Variants in HEMK2 observed in about 807,000 individuals in gnomAD.
HEMK2 encodes the protein methyltransferase HEMK2.
chr21:28,814,515 T>A, the HEMK2 span, among the ~76,000 whole-genome samples: 2 of 148,304 alleles, frequency 1.3e-5, no homozygotes, highest in African/African-American at 5.0e-5. Flanking sequence ...GAATCTACAA[T>A]GAACTCAAAC....
chr21:28,583,423 T>C, the HEMK2 span, among the ~76,000 whole-genome samples: 5 of 152,306 alleles, frequency 3.3e-5, no homozygotes, highest in East Asian at 9.7e-4. Flanking sequence ...ATCCAAAGCA[T>C]GCAGACCCTG....
the HEMK2 span, among the ~76,000 whole-genome samples, chr21:28,665,787 G>GT: frequency 6.6e-6 from 1 of 151,884 alleles, no homozygotes; most frequent in Non-Finnish European, 1.5e-5. Flanking sequence ...ACATGCACAC[G>GT]TATGTTTATT....
At chr21:28,807,342 C>A in the HEMK2 span, among the ~76,000 whole-genome samples, 6 of 152,324 alleles carry the variant, frequency 3.9e-5, no homozygotes, top group South Asian at 1.2e-3. Flanking sequence ...CCCACCATAT[C>A]CAATCCATCT....
chr21:28,863,535 T>C, the HEMK2 span, among the ~76,000 whole-genome samples: 1 of 146,340 alleles, frequency 6.8e-6, no homozygotes, highest in Middle Eastern at 3.3e-3. Context: ...TGTATTCTAC[T>C]ACAAGGCTTT....
the HEMK2 span, among the ~76,000 whole-genome samples, chr21:28,666,385 T>C: frequency 6.6e-6 from 1 of 152,248 alleles, no homozygotes; most frequent in East Asian, 1.9e-4. Flanking sequence ...ATTTTTACTA[T>C]ACACTTAATA....
the HEMK2 span, among the ~76,000 whole-genome samples, chr21:28,823,370 G>T: frequency 3.9e-5 from 6 of 152,258 alleles, no homozygotes; most frequent in South Asian, 1.0e-3. Context: ...GTTGTTTGTT[G>T]AATCTGAGCA....
the HEMK2 span, among the ~76,000 whole-genome samples, chr21:28,814,312 T>C: frequency 4.4e-4 from 5 of 11,446 alleles, no homozygotes; most frequent in Admixed American, 1.2e-3. Flanking sequence ...ATTCAGGACA[T>C]AGGCATGAGC....
chr21:28,885,193 G>C, the HEMK2 span: 3 of 1,544,162 alleles, frequency 1.9e-6, no homozygotes, highest in Admixed American at 5.5e-5. Context: ...TCCCGTCAGA[G>C]CCCCTCCCCT....
chr21:28,622,123 C>T, the HEMK2 span, among the ~76,000 whole-genome samples: 2 of 152,140 alleles, frequency 1.3e-5, no homozygotes, highest in Non-Finnish European at 2.9e-5. Context: ...TAAGCAGCTT[C>T]AGCAAAGTCT....
the HEMK2 span, among the ~76,000 whole-genome samples, chr21:28,708,082 G>C: frequency 3.9e-5 from 6 of 152,016 alleles, no homozygotes; most frequent in Non-Finnish European, 7.4e-5. Context: ...ACAAGCCCAT[G>C]GCCAAAAGTT....
chr21:28,845,677 G>T, the HEMK2 span, among the ~76,000 whole-genome samples: 1 of 149,564 alleles, frequency 6.7e-6, no homozygotes, highest in Non-Finnish European at 1.5e-5. Flanking sequence ...TCCAATAATT[G>T]TAAGTAGAAA....
At chr21:28,763,749 T>C in the HEMK2 span, among the ~76,000 whole-genome samples, 1 of 152,126 alleles carries the variant, frequency 6.6e-6, no homozygotes, top group Non-Finnish European at 1.5e-5. Context: ...ACTATGACCA[T>C]GTTCTTTTCA....
At chr21:28,768,986 A>G in the HEMK2 span, among the ~76,000 whole-genome samples, 1 of 151,962 alleles carries the variant, frequency 6.6e-6, no homozygotes, top group South Asian at 2.1e-4. Context: ...GGAGAGAGCT[A>G]ACCAGCCAAC....
chr21:28,859,132 AT>A, the HEMK2 span, among the ~76,000 whole-genome samples: 33 of 152,312 alleles, frequency 2.2e-4, no homozygotes, highest in Admixed American at 1.8e-3. Flanking sequence ...TATCTTCATT[AT>A]TAAAGTTCCA....
At chr21:28,594,946 G>A in the HEMK2 span, among the ~76,000 whole-genome samples, 1 of 152,192 alleles carries the variant, frequency 6.6e-6, no homozygotes, top group Admixed American at 6.5e-5. Context: ...TGGCACCGAA[G>A]CAGAATATGA....
the HEMK2 span, among the ~76,000 whole-genome samples, chr21:28,639,580 G>A: frequency 6.6e-6 from 1 of 152,302 alleles, no homozygotes; most frequent in South Asian, 2.1e-4. Context: ...AAGTCTTCAT[G>A]GAGCAGGTGG....
At chr21:28,592,615 A>C in the HEMK2 span, among the ~76,000 whole-genome samples, 11 of 152,154 alleles carry the variant, frequency 7.2e-5, no homozygotes. Flanking sequence ...AAAGCCATCC[A>C]GCAGAATGCC....
chr21:28,615,396 C>T, the HEMK2 span, among the ~76,000 whole-genome samples: 604 of 150,984 alleles, frequency 4.0e-3, no homozygotes, highest in Non-Finnish European at 5.0e-3. Context: ...CTGTCTCTGT[C>T]GCTGTCTCTC....
the HEMK2 span, among the ~76,000 whole-genome samples, chr21:28,884,761 C>A: frequency 1.3e-5 from 2 of 152,170 alleles, no homozygotes; most frequent in Non-Finnish European, 1.5e-5. Context: ...TCCAGTAACA[C>A]AACTTTCTTT....
Sources: allele counts gnomAD v4.1 joint callset (sites outside exome capture counted in the v4.1 genomes callset), GRCh38; gene constraint gnomAD v4.1.1; transcripts MANE v1.5; gene names NCBI Gene and HGNC (gene_info 2026-07-23, HGNC 2026-07-21).